The following ADGB variants were observed in gnomAD, a reference collection of about 807,000 sequenced individuals.
ADGB encodes calpain-7-like protein.
A neutral mutation model predicts 210.5 loss-of-function variants in ADGB; 172 were observed. The ratio of observed to expected loss-of-function variants is 0.82; its 90% CI spans 0.72 to 0.93. ADGB has a LOEUF of 0.93. Ranked by LOEUF, ADGB falls within the 40% of genes least tolerant of loss-of-function variation. The probability of loss-of-function intolerance (pLI) is 0.00; values close to 1 mark genes in which losing one functional copy is unlikely to be tolerated. For missense variants in ADGB, 2,025 were observed against 1,964.8 expected (o/e 1.03, Z -0.58); for synonymous variants, 658 against 662.7 (o/e 0.99, Z 0.11).
intron 20 of ADGB, among the ~76,000 whole-genome samples, chr6:146,732,481 C>G (rs564740082): frequency 6.6e-6 from 1 of 151,782 alleles, no homozygotes; most frequent in African/African-American, 2.4e-5. Context: ...TTCATGCTAC[C>G]AAGATTACTC....
At chr6:146,690,791 G>T (rs1392809019) in intron 10 of ADGB, among the ~76,000 whole-genome samples, 1 of 152,134 alleles carries the variant, frequency 6.6e-6, no homozygotes, top group Non-Finnish European at 1.5e-5. Context: ...GCATTAACCT[G>T]TAAAAATAAT....
chr6:146,799,592 G>C (rs1778095778), intron 33 of ADGB, among the ~76,000 whole-genome samples: 1 of 148,110 alleles, frequency 6.8e-6, no homozygotes, highest in Non-Finnish European at 1.5e-5. Context: ...GGGAGGGAGA[G>C]AGGGAGAGAG....
At chr6:146,599,234 A>G in intron 1 of ADGB, 120 bp downstream of exon 1, 1 of 870,018 alleles carries the variant, frequency 1.1e-6, no homozygotes, top group Non-Finnish European at 1.9e-6. Flanking sequence ...GCCTCCTCGC[A>G]GCTTGTCTTC....
intron 1 of ADGB, among the ~76,000 whole-genome samples, chr6:146,616,008 G>A (rs1780793505): frequency 6.6e-6 from 1 of 152,038 alleles, no homozygotes; most frequent in Non-Finnish European, 1.5e-5. Flanking sequence ...CATAGTAGCT[G>A]TACTAGTTTA....
At chr6:146,750,048 C>T (rs533681199) in intron 26 of ADGB, among the ~76,000 whole-genome samples, 5 of 152,092 alleles carry the variant, frequency 3.3e-5, no homozygotes, top group East Asian at 3.9e-4. Context: ...GGAGTAGGCA[C>T]GTGGAAGGTG....
At position 146,656,142 on chromosome 6, in the gene ADGB, G is replaced by A. The variant is rs142917299; in HGVS notation, c.403-629G>A. On this transcript the variant is annotated intron_variant, in intron 4 of 35. Coordinates refer to ENST00000397944, the MANE Select transcript of ADGB (RefSeq NM_024694.4). ...CAGCAGCAGAAGGCTGTGAAGATCTGAAAGAGGATTCAAATCCTGATCTCT... is the reference window on the plus strand; with the variant it reads ...CAGCAGCAGAAGGCTGTGAAGATCTAAAAGAGGATTCAAATCCTGATCTCT... Among the ~76,000 whole-genome samples, 564 of 152,268 alleles carry A rather than the reference G, an allele frequency of 3.7e-3. 5 individuals carry two copies. The highest frequency in any genetic ancestry group is 0.013 in the African/African-American group (532 of 41,558).
chr6:146,664,054 T>C (rs1775903550), intron 5 of ADGB, 147 bp from the exon 6 acceptor site: 4 of 745,244 alleles, frequency 5.4e-6, no homozygotes, highest in East Asian at 2.8e-5. Flanking sequence ...AGAGTAGTAT[T>C]GAAATCCAGT....
chr6:146,796,948 C>T (rs546568760), intron 33 of ADGB, among the ~76,000 whole-genome samples: 14 of 152,048 alleles, frequency 9.2e-5, no homozygotes, highest in African/African-American at 1.9e-4. Flanking sequence ...ACTATGCATT[C>T]GACAAAGGAC....
At chr6:146,736,772 T>G (rs951005265) in intron 23 of ADGB, among the ~76,000 whole-genome samples, 181 bp downstream of exon 23, 1 of 152,210 alleles carries the variant, frequency 6.6e-6, no homozygotes, top group Non-Finnish European at 1.5e-5. Flanking sequence ...TTTTTGTTTA[T>G]GTTTTAATTG....
chr6:146,741,474 G>A (rs1458236305), intron 25 of ADGB, among the ~76,000 whole-genome samples: 5 of 152,156 alleles, frequency 3.3e-5, no homozygotes, highest in Admixed American at 6.6e-5. Flanking sequence ...ACCTCTCAAC[G>A]CTCTTTCTTC....
chr6:146,650,003 T>G (rs1185347473), intron 3 of ADGB, among the ~76,000 whole-genome samples: 1 of 152,118 alleles, frequency 6.6e-6, no homozygotes, highest in African/African-American at 2.4e-5. Context: ...AAAGATCCAA[T>G]AGTTTTTATC....
intron 9 of ADGB, among the ~76,000 whole-genome samples, chr6:146,683,882 T>C (rs1776189453): frequency 1.3e-5 from 2 of 152,164 alleles, no homozygotes; most frequent in South Asian, 4.1e-4. Flanking sequence ...TTTAGAAAAT[T>C]TTAGGGAAGA....
At chr6:146,779,105 C>A (rs538573921) in intron 29 of ADGB, among the ~76,000 whole-genome samples, 2 of 150,050 alleles carry the variant, frequency 1.3e-5, no homozygotes, top group Non-Finnish European at 3.0e-5. Flanking sequence ...CACATACTGG[C>A]GGATGCCAGA....
chr6:146,693,683 G>T (rs1776362840), intron 12 of ADGB, among the ~76,000 whole-genome samples: 1 of 152,128 alleles, frequency 6.6e-6, no homozygotes, highest in African/African-American at 2.4e-5. Flanking sequence ...TGGATAGGCT[G>T]AGAATTGTCC....
Position 146,724,284 on chromosome 6 carries a change from C to A in ADGB, c.2194C>A (p.His732Asn). Residue 732 changes from histidine to asparagine, a missense_variant, in exon 18 of 36, where the codon CAC becomes AAC. By Grantham distance (68) the His-to-Asn change is moderately conservative. Coordinates refer to ENST00000397944, the MANE Select transcript of ADGB (RefSeq NM_024694.4). ...ACCAGGCAGTCTTGTTCTGAAGATT[C>A]ACACATATGCTACCAAGGCTACAGT... ...LKPGSLVLKI[H>N]TYATKATVVR... 1.3e-6 allele frequency: 2 copies of A among 1,550,370 alleles called. No individual in the cohort carries two copies. The highest frequency in any genetic ancestry group is 2.4e-5 in the South Asian group (2 of 83,742).
chr6:146,645,160 C>T (rs1445056386), intron 3 of ADGB, among the ~76,000 whole-genome samples: 1 of 151,962 alleles, frequency 6.6e-6, no homozygotes, highest in Non-Finnish European at 1.5e-5. Context: ...TCCTTAATTT[C>T]TGATTGACAC....
At chr6:146,622,743 A>C (rs1315389014) in intron 1 of ADGB, among the ~76,000 whole-genome samples, 2 of 152,044 alleles carry the variant, frequency 1.3e-5, no homozygotes, top group South Asian at 2.1e-4. Flanking sequence ...AATCTTAATA[A>C]ATTTTTTACT....
intron 11 of ADGB, 40 bp downstream of exon 11, chr6:146,691,330 A>G: frequency 6.9e-7 from 1 of 1,458,304 alleles, no homozygotes; most frequent in Non-Finnish European, 9.1e-7. Flanking sequence ...TAATTAATGT[A>G]TGAAAGTCTA....
chr6:146,784,931 A>ATAACTAAC (rs1318296001), intron 31 of ADGB, 137 bp downstream of exon 31: 2 of 870,896 alleles, frequency 2.3e-6, no homozygotes, highest in Non-Finnish European at 3.4e-6. Flanking sequence ...CAGGCATTGA[A>ATAACTAAC]TAACTACGTT....
Sources: allele counts gnomAD v4.1 joint callset (sites outside exome capture counted in the v4.1 genomes callset), GRCh38; gene constraint gnomAD v4.1.1; transcripts MANE v1.5; gene names NCBI Gene and HGNC (gene_info 2026-07-23, HGNC 2026-07-21).